The following PACS1 variants were observed in gnomAD, a reference collection of about 807,000 sequenced individuals.
PACS1 encodes the protein phosphofurin acidic cluster sorting protein 1, also known as PACS-1.
PACS1 carries 24 observed loss-of-function variants against 115.0 expected under a neutral mutation model. The observed-to-expected ratio is 0.21, with a 90% confidence interval of 0.15 to 0.29. The LOEUF is 0.29. PACS1 is among the 10% of genes least tolerant of loss of function. PACS1 has a pLI of 1.00. For synonymous variants in PACS1, 453 were observed against 504.5 expected, an observed-to-expected ratio of 0.90 and a Z score of 1.37; for missense variants, 838 against 1,251.2, an observed-to-expected ratio of 0.67 and a Z score of 4.98.
chr11:66,081,424 C>G (rs898666747), intron 1 of PACS1, among the ~76,000 whole-genome samples: 1 of 151,902 alleles, frequency 6.6e-6, no homozygotes, highest in Admixed American at 6.6e-5. Flanking sequence ...CCCTGCCCCC[C>G]CCAACCAAAA....
chr11:66,186,174 T>C (rs866449520), intron 1 of PACS1, among the ~76,000 whole-genome samples: 1 of 151,618 alleles, frequency 6.6e-6, no homozygotes, highest in Non-Finnish European at 1.5e-5. Flanking sequence ...ACTTAGGAGG[T>C]TGAGATGGGA....
At chr11:66,074,255 C>T (rs1350978574) in intron 1 of PACS1, among the ~76,000 whole-genome samples, 1 of 152,022 alleles carries the variant, frequency 6.6e-6, no homozygotes, top group Non-Finnish European at 1.5e-5. Context: ...TGCTATAGTT[C>T]CTTTATCTTT....
chr11:66,240,225 G>A (rs1404314962), intron 21 of PACS1, among the ~76,000 whole-genome samples: 1 of 152,190 alleles, frequency 6.6e-6, no homozygotes, highest in Non-Finnish European at 1.5e-5. Context: ...GAGACCACTG[G>A]AAGCAGTGAT....
At chr11:66,198,161 C>A (rs148723727) in intron 2 of PACS1, among the ~76,000 whole-genome samples, 2,043 of 152,346 alleles carry the variant, frequency 0.013, 25 homozygotes, top group Non-Finnish European at 0.019. Flanking sequence ...GCAATCCTCT[C>A]GCCTTGACCT....
chr11:66,155,751 G>A (rs1859335458), intron 1 of PACS1, among the ~76,000 whole-genome samples: 1 of 152,164 alleles, frequency 6.6e-6, no homozygotes. Context: ...TGAGAGGAAT[G>A]AAAACGCAGA....
chr11:66,146,792 A>C (rs1391454656), intron 1 of PACS1, among the ~76,000 whole-genome samples: 4 of 152,082 alleles, frequency 2.6e-5, no homozygotes, highest in Non-Finnish European at 5.9e-5. Flanking sequence ...CACGCCTGTA[A>C]CCCCAGCACC....
intron 1 of PACS1, among the ~76,000 whole-genome samples, chr11:66,187,293 C>T (rs1165293432): frequency 1.3e-5 from 2 of 152,192 alleles, no homozygotes; most frequent in East Asian, 1.9e-4. Flanking sequence ...TACCCATCAT[C>T]TCAAACGCTG....
In PACS1 at chr11:66,193,501, C is replaced by G. The variant is rs1202434216; in HGVS notation, c.372C>G (p.Thr124=). The G allele has an allele frequency of 6.2e-7, 1 of 1,612,228 alleles. No homozygotes were observed. The highest frequency in any genetic ancestry group is 2.2e-5 in the East Asian group (1 of 44,876). The change falls in exon 2 of 24, where the codon ACC becomes ACG. Residue 124 remains threonine (T), a synonymous_variant. Coordinates refer to ENST00000320580, the MANE Select transcript of PACS1 (RefSeq NM_018026.4). Reference sequence around the variant, plus strand: ...GTTTTTCTAGGCTATTCAGCTTGACCCTGAAGAAACTCGTCATGCTAAAAG... The same window carrying G: ...GTTTTTCTAGGCTATTCAGCTTGACGCTGAAGAAACTCGTCATGCTAAAAG... ...SSCVPRLFSL[T]LKKLVMLKEM...
chr11:66,240,939 G>A (rs1300942615), intron 21 of PACS1: 2 of 152,994 alleles, frequency 1.3e-5, no homozygotes, highest in South Asian at 2.0e-4. Flanking sequence ...GCCATGAAAA[G>A]GAGAAAGCTG....
intron 3 of PACS1, 39 bp downstream of exon 3, chr11:66,210,490 T>C: frequency 7.4e-7 from 1 of 1,355,134 alleles, no homozygotes; most frequent in Non-Finnish European, 1.1e-6. Context: ...ACATGCTATA[T>C]CCTGGCTAGT....
At chr11:66,149,828 C>A (rs974293031) in intron 1 of PACS1, among the ~76,000 whole-genome samples, 2 of 152,088 alleles carry the variant, frequency 1.3e-5, no homozygotes, top group Non-Finnish European at 2.9e-5. Flanking sequence ...CGGCTCACTG[C>A]AACCTCTGCC....
chr11:66,161,185 A>G (rs1057453474), intron 1 of PACS1, among the ~76,000 whole-genome samples: 5 of 152,184 alleles, frequency 3.3e-5, no homozygotes, highest in South Asian at 4.1e-4. Context: ...AATAGAGAAT[A>G]TATATATGGC....
chr11:66,071,128 C>T (rs1857302740), intron 1 of PACS1, among the ~76,000 whole-genome samples: 1 of 152,202 alleles, frequency 6.6e-6, no homozygotes, highest in African/African-American at 2.4e-5. Flanking sequence ...ATCCGGCCTT[C>T]CTGGCAGTCA....
At chr11:66,102,431 T>A (rs1857939329) in intron 1 of PACS1, among the ~76,000 whole-genome samples, 1 of 151,674 alleles carries the variant, frequency 6.6e-6, no homozygotes, top group Non-Finnish European at 1.5e-5. Context: ...TTCAAGCGAG[T>A]CTCCTGTCTC....
chr11:66,079,351 TAA>T (rs35212412), intron 1 of PACS1, among the ~76,000 whole-genome samples: 5 of 131,640 alleles, frequency 3.8e-5, no homozygotes, highest in Admixed American at 7.9e-5. Flanking sequence ...AAGGTCTGGG[TAA>T]AAAAAAAAAA....
intron 1 of PACS1, among the ~76,000 whole-genome samples, chr11:66,117,473 A>AAG (rs1554978433): frequency 2.0e-5 from 3 of 150,464 alleles, no homozygotes; most frequent in Non-Finnish European, 3.0e-5. Flanking sequence ...AAAAAAAAAA[A>AAG]AGAGAGAAAA....
Position 66,232,271 on chromosome 11 carries a change from G to A in PACS1, c.1726G>A (p.Gly576Ser). ...TCTGGTGAACACCACTGACTGGCAG[G>A]GCCAGGTAAGTGCTGAAACTGCGAG... Reference protein sequence around the residue: ...VILVNTTDWQGQYVAELLQDQ... With the variant: ...VILVNTTDWQSQYVAELLQDQ... The change falls in exon 14 of 24, where the codon GGC becomes AGC. Residue 576 changes from glycine (G) to serine (S), a missense_variant. Around this residue, in one of 6 missense-constraint regions of PACS1, gnomAD observed 383 missense variants for 537.0 expected, o/e 0.71. Coordinates refer to ENST00000320580, the MANE Select transcript of PACS1 (RefSeq NM_018026.4). The A allele has an allele frequency of 6.3e-7, 1 of 1,599,634 alleles. No homozygotes were observed. Among genetic ancestry groups the A allele is most frequent in the Non-Finnish European group, 8.6e-7 (1 of 1,166,842 alleles).
chr11:66,144,727 G>A (rs913716548), intron 1 of PACS1, among the ~76,000 whole-genome samples: 4 of 152,166 alleles, frequency 2.6e-5, no homozygotes, highest in African/African-American at 9.7e-5. Flanking sequence ...TCTGCCTCCC[G>A]GGTTCAAGCA....
chr11:66,119,950 G>T (rs1858401365), intron 1 of PACS1, among the ~76,000 whole-genome samples: 1 of 152,126 alleles, frequency 6.6e-6, no homozygotes, highest in African/African-American at 2.4e-5. Context: ...AGTGACCTCA[G>T]TGTGAATCCT....
Sources: gnomAD v4.1 joint callset for allele counts (sites outside exome capture counted in the v4.1 genomes callset) on GRCh38, gnomAD v4.1.1 for gene constraint, gnomAD v4.1.1 regional missense constraint, MANE v1.5 for transcripts, NCBI Gene and HGNC (gene_info 2026-07-23, HGNC 2026-07-21) for gene names.